RSPH3: variants seen among roughly 807,000 people sequenced by gnomAD.
RSPH3 encodes the protein radial spoke head protein 3 homolog.
RSPH3 carries 21 observed loss-of-function variants against 43.8 expected under a neutral mutation model. The observed-to-expected ratio is 0.48, with a 90% CI of 0.34 to 0.69. The LOEUF (loss-of-function observed/expected upper bound fraction) is 0.69, where lower values mean the gene tolerates loss of function less well. Among genes scored for constraint, RSPH3 ranks in the 30% least tolerant of loss-of-function variants. The pLI is 0.01. For missense variants in RSPH3, 487 were observed against 516.0 expected (o/e 0.94, Z 0.54); for synonymous variants, 173 against 179.8 (o/e 0.96, Z 0.30).
chr6:158,987,618 C>A (rs1343797063), intron 2 of RSPH3, among the ~76,000 whole-genome samples: 1 of 151,990 alleles, frequency 6.6e-6, no homozygotes, highest in South Asian at 2.1e-4. Context: ...TTTGGTGAAT[C>A]TATTACAGAT....
intron 1 of RSPH3, among the ~76,000 whole-genome samples, chr6:158,995,708 C>A (rs1187135130): frequency 6.6e-6 from 1 of 152,142 alleles, no homozygotes; most frequent in Non-Finnish European, 1.5e-5. Context: ...CATTCTCCTG[C>A]CTCAGCCTCC....
At position 158,977,430 on chromosome 6, in the gene RSPH3, C is replaced by T; in HGVS notation, c.*108G>A. On this transcript the variant is annotated 3_prime_UTR_variant, in exon 8 of 8. Transcript: ENST00000367069. ...CCAGTCCATTACACAAAAAGACATA[C>T]TGACTAAATACAACATAATTTCTAT... is the stretch of plus-strand genomic sequence containing the variant. 1 of 951,160 alleles carries T rather than the reference C, an allele frequency of 1.1e-6. No individual in the cohort carries two copies. Among genetic ancestry groups the T allele is most frequent in the Non-Finnish European group, 1.6e-6 (1 of 634,352 alleles). The allele number at this position is 951,160 out of a possible 1,614,324, so 58.9% of individuals were successfully genotyped here. A position where few individuals can be genotyped will look rare whatever the true frequency, so the allele number is the denominator to read the frequency against.
intron 2 of RSPH3, among the ~76,000 whole-genome samples, chr6:158,992,452 G>C (rs942796809): frequency 1.4e-5 from 2 of 141,262 alleles, no homozygotes; most frequent in African/African-American, 5.2e-5. Context: ...GCTAATTTTT[G>C]TGGGGTTTTT....
At chr6:158,991,341 G>T (rs969128563) in intron 2 of RSPH3, among the ~76,000 whole-genome samples, 10 of 152,256 alleles carry the variant, frequency 6.6e-5, no homozygotes, top group Non-Finnish European at 1.3e-4. Flanking sequence ...TAATTTTTCA[G>T]TAGGAAGTCA....
At position 158,974,794 on chromosome 6, in the gene RSPH3, A is replaced by G. The variant is rs765709129; in HGVS notation, c.*2744T>C. ...AGTGTTTAATGGACTGGATCATTCT[A>G]AAGGAGAATTAGAAGATTATGAAAG... On this transcript the variant is annotated 3_prime_UTR_variant, in exon 8 of 8. Transcript: ENST00000367069. The G allele has an allele frequency of 3.9e-5, 6 of 152,296 alleles. No homozygotes were observed. Among genetic ancestry groups the G allele is most frequent in the Non-Finnish European group, 7.4e-5 (5 of 68,024 alleles). 9.4% of individuals were successfully genotyped at this position (152,296 alleles called of 1,614,324 possible).
At chr6:158,994,862 T>C (rs1778539962) in intron 1 of RSPH3, among the ~76,000 whole-genome samples, 1 of 152,020 alleles carries the variant, frequency 6.6e-6, no homozygotes, top group South Asian at 2.1e-4. Flanking sequence ...TGCTTTTTTT[T>C]CATATATTGA....
intron 6 of RSPH3, among the ~76,000 whole-genome samples, chr6:158,979,940 C>T (rs900037870): frequency 1.1e-4 from 16 of 152,192 alleles, no homozygotes; most frequent in Non-Finnish European, 1.9e-4. Flanking sequence ...ATCAGGGATC[C>T]TTCTTTTTCT....
At position 158,982,466 on chromosome 6, in the gene RSPH3, A is replaced by G. The variant is rs1246712460; in HGVS notation, c.696+19T>C. The G allele has an allele frequency of 1.3e-6, 2 of 1,539,600 alleles. No homozygotes were observed. Among genetic ancestry groups the G allele is most frequent in the Non-Finnish European group, 1.8e-6 (2 of 1,137,996 alleles). On this transcript the variant is annotated intron_variant, in intron 5 of 7. Coordinates refer to ENST00000367069, the MANE Select transcript of RSPH3 (RefSeq NM_031924.8). ...CTAGCCAAAAGACTGCCTAAGAAAGAAAATATAATTATATATACTTTTTCT... is the reference window on the plus strand; with the variant it reads ...CTAGCCAAAAGACTGCCTAAGAAAGGAAATATAATTATATATACTTTTTCT...
At position 158,984,434 on chromosome 6, in the gene RSPH3, T is replaced by TTTTATATATATATATATATATATATA. The variant is rs1300418942; in HGVS notation, c.347-628_347-627insTATATATATATATATATATATATAAA. Among the ~76,000 whole-genome samples, 65 of 63,638 alleles carry TTTTATATATATATATATATATATATA rather than the reference T, an allele frequency of 1.0e-3. 7 individuals carry two copies. The highest frequency in any genetic ancestry group is 4.9e-3 in the Admixed American group (23 of 4,656). The allele number at this position is 63,638 out of a possible 152,430, so 41.7% of individuals were successfully genotyped here. On this transcript the variant is annotated intron_variant, in intron 3 of 7. Transcript: ENST00000367069. ...AGTACAACAGTGGATAAAAAGTCAA[T>TTTTATATATATATATATATATATATA]TATATATATATATATATATATATAT...
intron 2 of RSPH3, among the ~76,000 whole-genome samples, chr6:158,991,441 G>C (rs1405947555): frequency 6.6e-6 from 1 of 152,128 alleles, no homozygotes; most frequent in African/African-American, 2.4e-5. Context: ...AAAAGCAGAG[G>C]GTCAACTTGT....
rs949547278 is a variant in RSPH3 at position 158,975,168 on chromosome 6, A to C, written c.*2370T>G. The stretch of plus-strand genomic sequence containing the variant: ...TTTAAGGTTTCTAAAAGCTAGTTGT[A>C]GATATTTTAAAATTGGTAATAACAA... On this transcript the variant is annotated 3_prime_UTR_variant, in exon 8 of 8. Transcript: ENST00000367069. 2.0e-5 allele frequency: 3 copies of C among 152,170 alleles called. No individual in the cohort carries two copies. The highest frequency in any genetic ancestry group is 4.4e-5 in the Non-Finnish European group (3 of 68,024). 9.4% of individuals were successfully genotyped at this position (152,170 alleles called of 1,614,324 possible).
chr6:158,999,278 ACC>A (rs1355464208), intron 1 of RSPH3, among the ~76,000 whole-genome samples, 155 bp downstream of exon 1: 2,698 of 152,244 alleles, frequency 0.018, 34 homozygotes, highest in Middle Eastern at 0.024. Context: ...ACTCCTCCAC[ACC>A]ACGGGAGATT....
chr6:158,982,736 A>C, intron 4 of RSPH3, 48 bp from the exon 5 acceptor site: 1 of 1,272,290 alleles, frequency 7.9e-7, no homozygotes, highest in Non-Finnish European at 1.1e-6. Context: ...TTACGAATCA[A>C]ATGCTCAACA....
rs12190703 is a variant in RSPH3 at position 158,989,799 on chromosome 6, C to T, written c.205-3378G>A. Among the ~76,000 whole-genome samples the T allele has an allele frequency of 0.13, 20,093 of 152,084 alleles. 2,046 individuals carry two copies. Among genetic ancestry groups the T allele is most frequent in the East Asian group, 0.41 (2,127 of 5,146 alleles). ...ATCACAAGTCAGAGATAAATCCTTG[C>T]GATGGTTAATACTGAGTGTCAACTT... is the stretch of plus-strand genomic sequence containing the variant. On this transcript the variant is annotated intron_variant, in intron 2 of 7. Transcript: ENST00000367069. This position sits in a 1 kb window ranked among gnomAD's most constrained non-coding sequence, Gnocchi z 4.3.
chr6:158,980,969 CT>C, intron 5 of RSPH3, 33 bp from the exon 6 acceptor site: 5 of 1,608,148 alleles, frequency 3.1e-6, no homozygotes, highest in Non-Finnish European at 4.3e-6. Context: ...TTATTTAGCT[CT>C]TATGCCCTCC....
At chr6:158,987,409 T>C (rs1459385321) in intron 2 of RSPH3, among the ~76,000 whole-genome samples, 2 of 152,198 alleles carry the variant, frequency 1.3e-5, no homozygotes, top group Non-Finnish European at 2.9e-5. Context: ...CGTTCCTTTA[T>C]CCAATCAGCT....
At position 158,980,685 on chromosome 6, in the gene RSPH3, T is replaced by C; in HGVS notation, c.859+89A>G. 7.2e-6 allele frequency: 8 copies of C among 1,108,820 alleles called. No homozygotes were observed. In the Middle Eastern group the frequency reaches 1.6e-3, roughly 218 times the overall value. 68.7% of individuals were successfully genotyped at this position (1,108,820 alleles called of 1,614,324 possible). ...TGTGTCAGAAATAGAAAGACTCCAA[T>C]TCAAAATAAAAATGGACATAAGATA... On this transcript the variant is annotated intron_variant, in intron 6 of 7. Coordinates refer to ENST00000367069, the MANE Select transcript of RSPH3 (RefSeq NM_031924.8).
chr6:158,969,841 T>G (rs1291437190), downstream of RSPH3, among the ~76,000 whole-genome samples: 2 of 152,228 alleles, frequency 1.3e-5, no homozygotes, highest in African/African-American at 2.4e-5. Flanking sequence ...TGCCAGAATT[T>G]CTATTTGGTT....
chr6:158,967,186 T>A, the RSPH3 span, among the ~76,000 whole-genome samples: 4 of 145,588 alleles, frequency 2.7e-5, no homozygotes, highest in African/African-American at 9.9e-5. Context: ...AATTTTTGTA[T>A]TTTTTTTTGT....
Sources: allele counts gnomAD v4.1 joint callset (sites outside exome capture counted in the v4.1 genomes callset), GRCh38; gene constraint gnomAD v4.1.1; non-coding constraint Gnocchi (gnomAD v3.1); transcripts MANE v1.5; gene names NCBI Gene and HGNC (gene_info 2026-07-23, HGNC 2026-07-21).